The following RFX3 variants were observed in gnomAD, a reference collection of about 807,000 sequenced individuals.
RFX3 encodes transcription factor RFX3.
In RFX3, 14 loss-of-function variants were observed where a neutral mutation model predicts 98.6. The observed-to-expected ratio is 0.14, with a 90% CI of 0.09 to 0.22. RFX3 has a LOEUF of 0.22. Among genes scored for constraint, RFX3 ranks in the 10% least tolerant of loss-of-function variants. The probability of loss-of-function intolerance (pLI) is 1.00; values close to 1 mark genes in which losing one functional copy is unlikely to be tolerated. For missense variants in RFX3, 639 were observed against 926.9 expected (o/e 0.69, Z 4.03); for synonymous variants, 383 against 328.4 (o/e 1.17, Z -1.80).
At chr9:3,267,900 T>A (rs1157177595) in intron 11 of RFX3, among the ~76,000 whole-genome samples, 1 of 151,926 alleles carries the variant, frequency 6.6e-6, no homozygotes, top group African/African-American at 2.4e-5. Flanking sequence ...ACAATTAGTG[T>A]ACATTAATTA....
chr9:3,266,734 A>G (rs1356511432), intron 11 of RFX3, among the ~76,000 whole-genome samples: 1 of 152,086 alleles, frequency 6.6e-6, no homozygotes, highest in Non-Finnish European at 1.5e-5. Context: ...TTTATTAAAA[A>G]GAAAAATAAT....
intron 4 of RFX3, among the ~76,000 whole-genome samples, chr9:3,313,785 CA>C (rs1237039237): frequency 4.6e-5 from 7 of 152,146 alleles, no homozygotes; most frequent in African/African-American, 1.7e-4. Flanking sequence ...GACTGAAGAT[CA>C]AATGAATGAA....
At chr9:3,387,228 T>C (rs1839819424) in intron 2 of RFX3, among the ~76,000 whole-genome samples, 1 of 152,186 alleles carries the variant, frequency 6.6e-6, no homozygotes, top group Non-Finnish European at 1.5e-5. Flanking sequence ...ATCAAACTTG[T>C]ATTTTCTTCA....
chr9:3,482,444 G>A (rs1047843837), intron 1 of RFX3, among the ~76,000 whole-genome samples: 2 of 151,950 alleles, frequency 1.3e-5, no homozygotes, highest in African/African-American at 4.8e-5. Flanking sequence ...TTCTTTGTAC[G>A]TTTCTGTATT....
At chr9:3,369,758 T>G (rs879678128) in intron 2 of RFX3, among the ~76,000 whole-genome samples, 32 of 152,212 alleles carry the variant, frequency 2.1e-4, no homozygotes, top group Admixed American at 1.4e-3. Flanking sequence ...GATCACAAAT[T>G]GCTGATGACT....
chr9:3,318,972 C>A (rs771215175), intron 4 of RFX3, among the ~76,000 whole-genome samples: 1 of 152,148 alleles, frequency 6.6e-6, no homozygotes, highest in African/African-American at 2.4e-5. Flanking sequence ...GAGTCTGTGA[C>A]GATAAAACTA....
intron 1 of RFX3, among the ~76,000 whole-genome samples, chr9:3,501,977 C>A (rs1456874884): frequency 3.3e-5 from 5 of 151,746 alleles, no homozygotes; most frequent in Non-Finnish European, 7.4e-5. Flanking sequence ...TTCGGCCAGG[C>A]GCGGTGGCTC....
chr9:3,478,148 C>T (rs573610427), intron 1 of RFX3, among the ~76,000 whole-genome samples: 1 of 152,108 alleles, frequency 6.6e-6, no homozygotes, highest in Non-Finnish European at 1.5e-5. Flanking sequence ...CCCACAGGGA[C>T]TTTTTTTGTT....
intron 2 of RFX3, among the ~76,000 whole-genome samples, chr9:3,384,926 C>A (rs1447985844): frequency 6.6e-6 from 1 of 152,148 alleles, no homozygotes; most frequent in African/African-American, 2.4e-5. Flanking sequence ...TCACTGTTAC[C>A]TCTATTCCTC....
At chr9:3,520,158 C>A (rs1283514277) in intron 1 of RFX3, among the ~76,000 whole-genome samples, 1 of 152,076 alleles carries the variant, frequency 6.6e-6, no homozygotes, top group Non-Finnish European at 1.5e-5. Flanking sequence ...AACTGTAGGA[C>A]TATATTTTTA....
At chr9:3,400,621 C>T (rs763471578) in intron 1 of RFX3, among the ~76,000 whole-genome samples, 5 of 152,190 alleles carry the variant, frequency 3.3e-5, no homozygotes, top group African/African-American at 4.8e-5. Flanking sequence ...TCTGATTTTA[C>T]TATCTTCAGC....
intron 1 of RFX3, among the ~76,000 whole-genome samples, chr9:3,499,026 G>A (rs1851305086): frequency 6.6e-6 from 1 of 152,104 alleles, no homozygotes; most frequent in Non-Finnish European, 1.5e-5. Flanking sequence ...GTCACACTGA[G>A]AGATTTCTAA....
chr9:3,354,554 CA>C (rs201878460), intron 2 of RFX3, among the ~76,000 whole-genome samples: 3 of 150,278 alleles, frequency 2.0e-5, no homozygotes, highest in Non-Finnish European at 3.0e-5. Context: ...AAGTCTAAGA[CA>C]AAAAAAACAG....
rs764876732 is a variant in RFX3 at position 3,303,928 on chromosome 9, T to C, written c.475-2308A>G. ...ACAGATAACAAAAGGGGTATTTCTT[T>C]TGGCTTTAGGAATCTTCTGCCTAAC... On this transcript the variant is annotated intron_variant, in intron 4 of 16. Transcript: ENST00000617270. 2.6e-5 allele frequency among the ~76,000 whole-genome samples: 4 copies of C among 152,056 alleles called. No individual in the cohort carries two copies. The East Asian group carries it at 7.7e-4, about 29-fold the overall frequency.
At chr9:3,497,333 A>C (rs1222020597) in intron 1 of RFX3, among the ~76,000 whole-genome samples, 1 of 152,012 alleles carries the variant, frequency 6.6e-6, no homozygotes, top group Non-Finnish European at 1.5e-5. Context: ...TAAGCAAACA[A>C]TTAAATGTTC....
chr9:3,444,988 A>G (rs1845916596), intron 1 of RFX3, among the ~76,000 whole-genome samples: 1 of 152,186 alleles, frequency 6.6e-6, no homozygotes, highest in Non-Finnish European at 1.5e-5. Context: ...CTTTAATGCC[A>G]CTTATTAGGA....
At chr9:3,283,313 T>G (rs3012688) in intron 7 of RFX3, among the ~76,000 whole-genome samples, 35,538 of 151,558 alleles carry the variant, frequency 0.23, 6,210 homozygotes, top group African/African-American at 0.5. Flanking sequence ...TCTAACACTT[T>G]AACACTTCCA....
chr9:3,396,801 G>A (rs992626826), intron 1 of RFX3, among the ~76,000 whole-genome samples: 1 of 152,168 alleles, frequency 6.6e-6, no homozygotes. Flanking sequence ...GTGATGATGA[G>A]CATTTTTTCA....
At chr9:3,259,614 C>T (rs558308523) in intron 13 of RFX3, among the ~76,000 whole-genome samples, 1 of 151,614 alleles carries the variant, frequency 6.6e-6, no homozygotes, top group African/African-American at 2.4e-5. Context: ...CAGGTCAGCC[C>T]ACCGAAAGCT....
Sources: allele counts gnomAD v4.1 joint callset (sites outside exome capture counted in the v4.1 genomes callset), GRCh38; gene constraint gnomAD v4.1.1; transcripts MANE v1.5; gene names NCBI Gene and HGNC (gene_info 2026-07-23, HGNC 2026-07-21).